The following RASA3 variants were observed in gnomAD, a reference collection of about 807,000 sequenced individuals.
RASA3 encodes the protein RAS p21 protein activator 3.
A neutral mutation model predicts 110.0 loss-of-function variants in RASA3; 73 were observed. The ratio of observed to expected loss-of-function variants is 0.66; its 90% CI spans 0.55 to 0.81. The LOEUF (loss-of-function observed/expected upper bound fraction) is 0.81, where lower values mean the gene tolerates loss of function less well. RASA3 is among the 30% of genes least tolerant of loss of function. The pLI, the probability that RASA3 is intolerant of heterozygous loss-of-function variation, is 0.00. For missense variants in RASA3, 976 were observed against 1,113.2 expected (o/e 0.88, Z 1.75); for synonymous variants, 500 against 451.4 (o/e 1.11, Z -1.37).
At chr13:114,108,384 C>CCAGGTGCT (rs2080169102) in intron 1 of RASA3, among the ~76,000 whole-genome samples, 1 of 140,922 alleles carries the variant, frequency 7.1e-6, no homozygotes, top group Non-Finnish European at 1.6e-5. Context: ...CACCCCCATC[C>CCAGGTGCT]GTCACCCCAT....
At chr13:114,058,554 G>A (rs935911070) in intron 2 of RASA3, among the ~76,000 whole-genome samples, 1 of 152,254 alleles carries the variant, frequency 6.6e-6, no homozygotes, top group African/African-American at 2.4e-5. Flanking sequence ...TGAGGGTCCA[G>A]ACCTGAGGCC....
At chr13:114,059,779 A>C (rs2079306283) in intron 2 of RASA3, among the ~76,000 whole-genome samples, 1 of 152,248 alleles carries the variant, frequency 6.6e-6, no homozygotes, top group Non-Finnish European at 1.5e-5. Flanking sequence ...GGCCCCCGCC[A>C]GGCGTGGCTC....
chr13:114,054,788 T>C (rs190345682), intron 2 of RASA3, among the ~76,000 whole-genome samples: 64 of 152,358 alleles, frequency 4.2e-4, no homozygotes, highest in Admixed American at 9.8e-4. Context: ...TGTAGCAGCA[T>C]CCTGGTTAAT....
In RASA3 at chr13:114,096,013, C is replaced by A. The variant is rs772096441; in HGVS notation, c.56-22176G>T. Among the ~76,000 whole-genome samples the A allele has an allele frequency of 6.6e-6, 1 of 152,226 alleles. No homozygotes were observed. Among genetic ancestry groups the A allele is most frequent in the African/African-American group, 2.4e-5 (1 of 41,464 alleles). Reference sequence around the variant, plus strand: ...TAATCAACGTTAATTTTTCACACAACGACTGGGAAAATCTGCCTACAGGAA... The same window carrying A: ...TAATCAACGTTAATTTTTCACACAAAGACTGGGAAAATCTGCCTACAGGAA... On this transcript the variant is annotated intron_variant, in intron 1 of 23. Transcript: ENST00000334062. The surrounding 1 kb of genome is among the most constrained non-coding windows in gnomAD (Gnocchi z 5.1).
chr13:113,991,767 T>C (rs1055749542), intron 22 of RASA3, among the ~76,000 whole-genome samples: 1 of 152,260 alleles, frequency 6.6e-6, no homozygotes, highest in Non-Finnish European at 1.5e-5. Flanking sequence ...TTAGATGGCA[T>C]GTGTGTACCC....
chr13:114,051,064 G>T (rs9525354), intron 3 of RASA3, among the ~76,000 whole-genome samples: 3 of 152,212 alleles, frequency 2.0e-5, no homozygotes, highest in African/African-American at 4.8e-5. Context: ...CAGATGGACC[G>T]GGACCCCGCC....
chr13:114,024,495 G>A (rs1374502196), intron 7 of RASA3, 140 bp from the exon 8 acceptor site: 9 of 750,038 alleles, frequency 1.2e-5, no homozygotes, highest in African/African-American at 1.7e-5. Flanking sequence ...GGCGCCAGGC[G>A]GGATTCGGGA....
intron 22 of RASA3, among the ~76,000 whole-genome samples, chr13:113,984,390 T>C (rs530784955): frequency 6.1e-5 from 5 of 81,986 alleles, no homozygotes; most frequent in Admixed American, 1.3e-4. Flanking sequence ...CTCACCCATC[T>C]GTCAATCCAC....
intron 16 of RASA3, among the ~76,000 whole-genome samples, chr13:114,010,545 G>A (rs1181435062): frequency 2.0e-5 from 3 of 150,870 alleles, no homozygotes; most frequent in Admixed American, 1.3e-4. Context: ...GATGGAGGAC[G>A]GAGGTTCATA....
At position 114,059,419 on chromosome 13, in the gene RASA3, GCAGGTACCCAGGAGGCA is replaced by G. The variant is rs1238872587; in HGVS notation, c.174-7281_174-7265del. ...GTCGCTGAAGCCAATGCGAGGAGGC[GCAGGTACCCAGGAGGCA>G]CAGGTACCCAGGAGGCACAGGTGCC... On this transcript the variant is annotated intron_variant, in intron 2 of 23. Coordinates refer to ENST00000334062, the MANE Select transcript of RASA3 (RefSeq NM_007368.4). Among the ~76,000 whole-genome samples the G allele has an allele frequency of 2.5e-3, 374 of 152,342 alleles. 2 individuals are homozygous for G. The Middle Eastern group carries it at 0.044, about 18-fold the overall frequency.
rs113425467 is a variant in RASA3 at position 114,023,358 on chromosome 13, C to T, written c.680+921G>A. On this transcript the variant is annotated intron_variant, in intron 8 of 23. Coordinates refer to ENST00000334062, the MANE Select transcript of RASA3 (RefSeq NM_007368.4). ...GGGGCATCCCAGGCTCGGGGGCATC[C>T]TAGGCTCGGGGTCTCAGGGCCGGCT... Among the ~76,000 whole-genome samples the T allele has an allele frequency of 1.9e-3, 292 of 151,170 alleles. 1 individual carries two copies. Among genetic ancestry groups the T allele is most frequent in the African/African-American group, 6.7e-3 (273 of 40,584 alleles).
At chr13:114,001,468 C>T (rs529277780) in intron 18 of RASA3, among the ~76,000 whole-genome samples, 10 of 126,310 alleles carry the variant, frequency 7.9e-5, no homozygotes, top group Admixed American at 7.8e-5. Context: ...TGGACACTCA[C>T]GCAACATGGA....
At chr13:114,126,890 C>T (rs2080457811) in intron 1 of RASA3, among the ~76,000 whole-genome samples, 2 of 152,216 alleles carry the variant, frequency 1.3e-5, no homozygotes, top group South Asian at 4.1e-4. Context: ...GGCCAGCACG[C>T]AGTCTCGGGT....
At chr13:113,981,907 C>G in intron 22 of RASA3, 49 bp from the exon 23 acceptor site, 1 of 1,564,608 alleles carries the variant, frequency 6.4e-7, no homozygotes, top group African/African-American at 1.4e-5. Context: ...AGGCCACCGG[C>G]CCCGTCTCCA....
At chr13:114,030,427 GAGGGCAAGGCTCACACA>G (rs1319904175) in intron 4 of RASA3, among the ~76,000 whole-genome samples, 3,010 of 74,856 alleles carry the variant, frequency 0.04, 69 homozygotes, top group Middle Eastern at 0.1. Flanking sequence ...GACTCACACA[GAGGGCAAGGCTCACACA>G]GAGGGCAAGG....
chr13:114,073,679 G>T, intron 2 of RASA3, 41 bp downstream of exon 2: 4 of 1,508,752 alleles, frequency 2.7e-6, no homozygotes, highest in Non-Finnish European at 3.7e-6. Flanking sequence ...CTACACCAAA[G>T]AAAACACATC....
intron 23 of RASA3, 107 bp downstream of exon 23, chr13:113,981,568 C>G: frequency 7.7e-7 from 1 of 1,301,902 alleles, no homozygotes; most frequent in Non-Finnish European, 1.1e-6. Context: ...CAGGCGGACA[C>G]CTGAGCACGG....
At chr13:114,013,983 T>C (rs2053729188) in intron 14 of RASA3, among the ~76,000 whole-genome samples, 1 of 148,458 alleles carries the variant, frequency 6.7e-6, no homozygotes, top group African/African-American at 2.5e-5. Flanking sequence ...TCTCGATCTC[T>C]CTCTCCATCT....
In RASA3 at chr13:114,019,011, C is replaced by T. The variant is rs2053857278; in HGVS notation, c.786-92G>A. 5.3e-6 allele frequency: 8 copies of T among 1,510,682 alleles called. No individual in the cohort carries two copies. In the South Asian group the frequency reaches 8.4e-5, roughly 16 times the overall value. 93.6% of individuals were successfully genotyped at this position (1,510,682 alleles called of 1,614,324 possible). ...AGCCCAGCTGCCTGCTTGAGGTCGA[C>T]TGGTCAGGAGGGTGATCCTGTAGGA... On this transcript the variant is annotated intron_variant, in intron 9 of 23. Transcript: ENST00000334062.
Sources: gnomAD v4.1 joint callset for allele counts (sites outside exome capture counted in the v4.1 genomes callset) on GRCh38, gnomAD v4.1.1 for gene constraint, Gnocchi (gnomAD v3.1) non-coding constraint, MANE v1.5 for transcripts, NCBI Gene and HGNC (gene_info 2026-07-23, HGNC 2026-07-21) for gene names.